The following FLI1 variants were observed in gnomAD, a reference collection of about 807,000 sequenced individuals.
FLI1 encodes the protein Fli-1 proto-oncogene, ETS transcription factor, also known as Friend leukemia integration 1 transcription factor.
FLI1 carries 13 observed loss-of-function variants against 53.1 expected under a neutral mutation model. The observed-to-expected ratio is 0.24, with a 90% CI of 0.16 to 0.39. The LOEUF is 0.39. Ranked by LOEUF, FLI1 falls within the 10% of genes least tolerant of loss-of-function variation. FLI1 has a pLI of 1.00. For synonymous variants in FLI1, 244 were observed against 236.7 expected, an observed-to-expected ratio of 1.03 and a Z score of -0.28; for missense variants, 424 against 600.5, an observed-to-expected ratio of 0.71 and a Z score of 3.07.
chr11:128,753,739 C>G (rs771989271), intron 1 of FLI1, among the ~76,000 whole-genome samples: 4 of 152,220 alleles, frequency 2.6e-5, no homozygotes, highest in Admixed American at 2.6e-4. Flanking sequence ...CTCAGCAGCT[C>G]CTCGCCTGCA....
At chr11:128,792,236 C>T (rs1942295551) in intron 5 of FLI1, among the ~76,000 whole-genome samples, 1 of 152,128 alleles carries the variant, frequency 6.6e-6, no homozygotes, top group African/African-American at 2.4e-5. Flanking sequence ...ATGGCAAGGG[C>T]TCCAAAATGA....
intron 1 of FLI1, among the ~76,000 whole-genome samples, chr11:128,705,586 T>C (rs1344037040): frequency 6.6e-6 from 1 of 152,174 alleles, no homozygotes; most frequent in Non-Finnish European, 1.5e-5. Flanking sequence ...GAAGGGAATG[T>C]TTTGCGAGGT....
chr11:128,700,436 G>A (rs761389120), intron 1 of FLI1, among the ~76,000 whole-genome samples: 2 of 152,206 alleles, frequency 1.3e-5, no homozygotes, highest in Non-Finnish European at 2.9e-5. Flanking sequence ...TTGAAAGATA[G>A]GTAGGTCTTG....
intron 2 of FLI1, among the ~76,000 whole-genome samples, chr11:128,758,864 G>C (rs376766561): frequency 5.9e-5 from 9 of 152,184 alleles, no homozygotes; most frequent in Non-Finnish European, 1.2e-4. Flanking sequence ...GGGTCAGTTC[G>C]GGCTTTGCTT....
intron 5 of FLI1, among the ~76,000 whole-genome samples, chr11:128,788,003 G>T (rs1565500405): frequency 1.3e-5 from 2 of 151,216 alleles, no homozygotes; most frequent in Non-Finnish European, 2.9e-5. Flanking sequence ...GTAGAGACGG[G>T]GTTTCACCAC....
At chr11:128,768,013 T>G (rs1222459947) in intron 2 of FLI1, 105 bp from the exon 3 acceptor site, 1 of 999,278 alleles carries the variant, frequency 1.0e-6, no homozygotes, top group African/African-American at 1.6e-5. Flanking sequence ...GGCCGGGCAA[T>G]GGCTCCATGC....
At chr11:128,758,430 A>G (rs1387855259) in intron 2 of FLI1, 104 bp downstream of exon 2, 3 of 902,488 alleles carry the variant, frequency 3.3e-6, no homozygotes, top group East Asian at 2.6e-5. Context: ...ATGGGGCTCT[A>G]GAGCTGGGCC....
At chr11:128,731,219 C>G (rs777626416) in intron 1 of FLI1, among the ~76,000 whole-genome samples, 6 of 152,216 alleles carry the variant, frequency 3.9e-5, no homozygotes, top group Non-Finnish European at 7.3e-5. Flanking sequence ...ATTAGCCATG[C>G]CCTCTGCTTC....
chr11:128,723,820 T>C (rs1939356052), intron 1 of FLI1, among the ~76,000 whole-genome samples: 1 of 151,890 alleles, frequency 6.6e-6, no homozygotes, highest in South Asian at 2.1e-4. Context: ...AGTGCTTTCA[T>C]GGTGCTAGGT....
At chr11:128,698,233 C>T (rs1938170972) in intron 1 of FLI1, among the ~76,000 whole-genome samples, 1 of 152,216 alleles carries the variant, frequency 6.6e-6, no homozygotes, top group African/African-American at 2.4e-5. Context: ...CTTCTGTCCT[C>T]AAGAAGGTGT....
intron 7 of FLI1, among the ~76,000 whole-genome samples, chr11:128,808,628 T>C (rs913669054): frequency 7.2e-5 from 11 of 152,184 alleles, no homozygotes; most frequent in Non-Finnish European, 1.5e-4. Context: ...ATGAGAAAAC[T>C]GATTCCCAGA....
At chr11:128,713,222 G>C (rs1938862722) in intron 1 of FLI1, among the ~76,000 whole-genome samples, 1 of 152,176 alleles carries the variant, frequency 6.6e-6, no homozygotes, top group Non-Finnish European at 1.5e-5. Flanking sequence ...ACTCATACCT[G>C]CCCTCCAGAA....
chr11:128,762,956 C>CAAA (rs11301220), intron 2 of FLI1, among the ~76,000 whole-genome samples: 1 of 146,344 alleles, frequency 6.8e-6, no homozygotes, highest in African/African-American at 2.5e-5. Context: ...AACACCATCT[C>CAAA]AAAAAAAAAA....
At chr11:128,781,666 C>A (rs1941919369) in intron 4 of FLI1, among the ~76,000 whole-genome samples, 1 of 152,166 alleles carries the variant, frequency 6.6e-6, no homozygotes, top group African/African-American at 2.4e-5. Flanking sequence ...TGGCACAGAC[C>A]ACAGCGCTTC....
intron 1 of FLI1, chr11:128,696,070 T>C (rs1245293358): frequency 6.6e-6 from 1 of 152,278 alleles, no homozygotes; most frequent in Non-Finnish European, 1.5e-5. Context: ...ACCCAGGATG[T>C]GCTAACCTCT....
chr11:128,804,410 C>T (rs540325545), intron 5 of FLI1: 1 of 152,212 alleles, frequency 6.6e-6, no homozygotes. Flanking sequence ...CAATGGGACT[C>T]ATACCAAGAG....
At chr11:128,803,323 G>T (rs1325096103) in intron 5 of FLI1, among the ~76,000 whole-genome samples, 1 of 152,074 alleles carries the variant, frequency 6.6e-6, no homozygotes, top group Non-Finnish European at 1.5e-5. Context: ...CAACGCCAAG[G>T]TCCCAGAGTT....
chr11:128,756,105 C>T (rs1940849906), intron 1 of FLI1, among the ~76,000 whole-genome samples: 1 of 152,240 alleles, frequency 6.6e-6, no homozygotes, highest in Non-Finnish European at 1.5e-5. Context: ...CCAGCTTTAA[C>T]AAGTGCTGTT....
In FLI1 at chr11:128,768,013, T is replaced by C. The variant is rs1222459947; in HGVS notation, c.231-105T>C. 2.8e-5 allele frequency: 28 copies of C among 999,278 alleles called. 1 individual carries two copies. In the East Asian group the frequency reaches 6.6e-4, roughly 24 times the overall value. 61.9% of individuals were successfully genotyped at this position (999,278 alleles called of 1,614,324 possible). A position where few individuals can be genotyped will look rare whatever the true frequency, so the allele number is the denominator to read the frequency against. On this transcript the variant is annotated intron_variant, in intron 2 of 8. Coordinates refer to ENST00000527786, the MANE Select transcript of FLI1 (RefSeq NM_002017.5). The stretch of plus-strand genomic sequence containing the variant: ...CATGACACCAAGTGTGGCCGGGCAA[T>C]GGCTCCATGCTCATCATCGGAGCCC...
Sources: gnomAD v4.1 joint callset for allele counts (sites outside exome capture counted in the v4.1 genomes callset) on GRCh38, gnomAD v4.1.1 for gene constraint, MANE v1.5 for transcripts, NCBI Gene and HGNC (gene_info 2026-07-23, HGNC 2026-07-21) for gene names.